MGST1: variants seen among roughly 807,000 people sequenced by gnomAD.
The protein encoded by MGST1 is glutathione S-transferase 12.
MGST1 carries 5 observed loss-of-function variants against 8.9 expected under a neutral mutation model. The observed-to-expected ratio is 0.56, with a 90% CI of 0.29 to 1.19. MGST1 has a LOEUF of 1.19. MGST1 is among the 50% of genes most tolerant of loss of function. The pLI is 0.08. For missense variants in MGST1, 182 were observed against 187.4 expected, an observed-to-expected ratio of 0.97 and a Z score of 0.17; for synonymous variants, 54 against 67.8, an observed-to-expected ratio of 0.80 and a Z score of 1.00.
chr12:16,429,528 A>AGG (rs1188442191), intron 1 of MGST1, among the ~76,000 whole-genome samples: 1 of 151,952 alleles, frequency 6.6e-6, no homozygotes, highest in Non-Finnish European at 1.5e-5. Context: ...TACCTCAAAG[A>AGG]TAGGTATGCT....
chr12:16,395,076 G>A (rs1328420469), intron 1 of MGST1, among the ~76,000 whole-genome samples: 1 of 151,240 alleles, frequency 6.6e-6, no homozygotes, highest in African/African-American at 2.4e-5. Flanking sequence ...TTTATATTTG[G>A]GTTGGTGCTT....
chr12:16,505,989 G>C (rs1941535892), intron 4 of MGST1, among the ~76,000 whole-genome samples: 1 of 152,052 alleles, frequency 6.6e-6, no homozygotes, highest in African/African-American at 2.4e-5. Context: ...TTCAAGAGAA[G>C]GTAACATTTA....
At chr12:16,356,752 A>T (rs987364316) in intron 2 of MGST1, among the ~76,000 whole-genome samples, 1 of 152,236 alleles carries the variant, frequency 6.6e-6, no homozygotes, top group East Asian at 1.9e-4. Flanking sequence ...AAATTTCATT[A>T]TACAGTATTC....
At chr12:16,405,010 C>G (rs1350214441) in intron 1 of MGST1, among the ~76,000 whole-genome samples, 1 of 152,132 alleles carries the variant, frequency 6.6e-6, no homozygotes, top group Non-Finnish European at 1.5e-5. Flanking sequence ...CTACCATAAT[C>G]TCTGGGACAC....
chr12:16,499,165 A>C (rs780077423), intron 4 of MGST1, among the ~76,000 whole-genome samples: 15 of 152,338 alleles, frequency 9.8e-5, no homozygotes, highest in South Asian at 2.1e-4. Context: ...ACATAGGTAC[A>C]ATAACAGCAT....
intron 4 of MGST1, among the ~76,000 whole-genome samples, chr12:16,498,036 G>A (rs1941481123): frequency 6.6e-6 from 1 of 152,150 alleles, no homozygotes; most frequent in African/African-American, 2.4e-5. Flanking sequence ...GTAAAAGTTA[G>A]AAGCACTATG....
intron 4 of MGST1, among the ~76,000 whole-genome samples, chr12:16,443,824 C>T (rs932696748): frequency 6.6e-6 from 1 of 151,840 alleles, no homozygotes; most frequent in Non-Finnish European, 1.5e-5. Flanking sequence ...AATCATTATA[C>T]CTGTGAATTA....
intron 4 of MGST1, among the ~76,000 whole-genome samples, chr12:16,525,426 G>C (rs931846900): frequency 2.0e-5 from 3 of 151,564 alleles, no homozygotes; most frequent in African/African-American, 7.3e-5. Context: ...AGTTTACTGA[G>C]AATGATGTTT....
intron 4 of MGST1, among the ~76,000 whole-genome samples, chr12:16,542,593 C>T (rs1041068588): frequency 2.0e-5 from 3 of 152,210 alleles, no homozygotes; most frequent in Non-Finnish European, 4.4e-5. Flanking sequence ...CAGTCAACTA[C>T]CATTTTTGGT....
At chr12:16,552,725 C>T (rs1032151685) in intron 4 of MGST1, among the ~76,000 whole-genome samples, 5 of 152,062 alleles carry the variant, frequency 3.3e-5, no homozygotes, top group African/African-American at 1.2e-4. Context: ...ATGCACTGAT[C>T]TTGAAATCCT....
chr12:16,551,579 C>T (rs534720096), intron 4 of MGST1, among the ~76,000 whole-genome samples: 1 of 148,324 alleles, frequency 6.7e-6, no homozygotes, highest in African/African-American at 2.5e-5. Context: ...ACTTTGGGCA[C>T]CAAAGATGAC....
Position 16,497,112 on chromosome 12 carries a change from G to A in MGST1, n.483-92416G>A, listed in dbSNP as rs1941475561. Reference sequence around the variant, plus strand: ...AGAAATATTTAATCCTATGCCAGAAGGGAAAAGATGAGAACCACTGAATCT... The same window carrying A: ...AGAAATATTTAATCCTATGCCAGAAAGGAAAAGATGAGAACCACTGAATCT... On this transcript the variant is annotated intron_variant and non_coding_transcript_variant, in intron 4 of 4. Coordinates refer to the MGST1 transcript ENST00000538857. This position sits in a 1 kb window ranked among gnomAD's most constrained non-coding sequence, Gnocchi z 4.4. Among the ~76,000 whole-genome samples the A allele has an allele frequency of 6.6e-6, 1 of 152,104 alleles. No individual in the cohort carries two copies. Among genetic ancestry groups the A allele is most frequent in the Admixed American group, 6.6e-5 (1 of 15,234 alleles).
intron 1 of MGST1, chr12:16,349,169 T>A (rs1939339780): frequency 6.6e-6 from 1 of 152,140 alleles, no homozygotes; most frequent in Admixed American, 6.5e-5. Flanking sequence ...GTTTGTTAGT[T>A]TTAGAAGGTA....
At chr12:16,396,232 G>A (rs1940604294) in intron 1 of MGST1, among the ~76,000 whole-genome samples, 1 of 152,038 alleles carries the variant, frequency 6.6e-6, no homozygotes, top group South Asian at 2.1e-4. Context: ...CAAAAATCCA[G>A]CATCCCTCTA....
intron 1 of MGST1, among the ~76,000 whole-genome samples, chr12:16,437,086 C>T (rs1940993239): frequency 6.6e-6 from 1 of 151,810 alleles, no homozygotes; most frequent in Non-Finnish European, 1.5e-5. Context: ...ATTACTGAAG[C>T]CTGGAGTACC....
Position 16,555,169 on chromosome 12 carries a change from A to T in MGST1, n.483-34359A>T, listed in dbSNP as rs1291417669. On this transcript the variant is annotated intron_variant and non_coding_transcript_variant, in intron 4 of 4. Transcript: ENST00000538857. The surrounding 1 kb of genome is among the most constrained non-coding windows in gnomAD (Gnocchi z 5.5). ...TAATACTTTATCAGAATTTGCTATCATTATTATTTGGTAATGATAATCTTT... is the reference window on the plus strand; with the variant it reads ...TAATACTTTATCAGAATTTGCTATCTTTATTATTTGGTAATGATAATCTTT... 6.6e-6 allele frequency among the ~76,000 whole-genome samples: 1 copy of T among 152,208 alleles called. No individual in the cohort carries two copies. The highest frequency in any genetic ancestry group is 2.4e-5 in the African/African-American group (1 of 41,460).
chr12:16,349,963 C>G (rs906857755), intron 1 of MGST1, among the ~76,000 whole-genome samples: 4 of 152,116 alleles, frequency 2.6e-5, no homozygotes, highest in Non-Finnish European at 5.9e-5. Flanking sequence ...CCAGGATGGT[C>G]TCGATCTCCT....
In MGST1 at chr12:16,576,491, A is replaced by C. The variant is rs547799798; in HGVS notation, n.483-13037A>C. Among the ~76,000 whole-genome samples the C allele has an allele frequency of 6.6e-6, 1 of 152,086 alleles. No homozygotes were observed. The stretch of plus-strand genomic sequence containing the variant: ...TCAATGGATCTATGAAGCCTCTCTG[A>C]TTTCCTTGAGGCAGAATAAATAACA... On this transcript the variant is annotated intron_variant and non_coding_transcript_variant, in intron 4 of 4. Coordinates refer to the MGST1 transcript ENST00000538857. The surrounding 1 kb of genome is among the most constrained non-coding windows in gnomAD (Gnocchi z 4.1).
In MGST1 at chr12:16,560,373, G is replaced by A; in HGVS notation, n.483-29155G>A. On this transcript the variant is annotated intron_variant and non_coding_transcript_variant, in intron 4 of 4. Coordinates refer to the MGST1 transcript ENST00000538857. The surrounding 1 kb of genome is among the most constrained non-coding windows in gnomAD (Gnocchi z 5.0). Reference sequence around the variant, plus strand: ...ATTAAATAAATAGCCAGCACAGAGAGGTTAACCATTTCTTAGAGACCAAAA... The same window carrying A: ...ATTAAATAAATAGCCAGCACAGAGAAGTTAACCATTTCTTAGAGACCAAAA... 3.1e-6 allele frequency: 5 copies of A among 1,599,588 alleles called. No homozygotes were observed. The highest frequency in any genetic ancestry group is 4.3e-6 in the Non-Finnish European group (5 of 1,172,952).
Sources: gnomAD v4.1 joint callset for allele counts (sites outside exome capture counted in the v4.1 genomes callset) on GRCh38, gnomAD v4.1.1 for gene constraint, Gnocchi (gnomAD v3.1) non-coding constraint, MANE v1.5 for transcripts, NCBI Gene and HGNC (gene_info 2026-07-23, HGNC 2026-07-21) for gene names.